ANO10: variants seen among roughly 807,000 people sequenced by gnomAD.
ANO10 encodes the protein anoctamin-10.
Under a neutral mutation model 74.7 loss-of-function variants are expected in ANO10, and 77 were observed. The observed-to-expected ratio is 1.03, with a 90% confidence interval of 0.86 to 1.25. The LOEUF (loss-of-function observed/expected upper bound fraction) is 1.25. ANO10 is among the 50% of genes most tolerant of loss of function. The pLI is 0.00. For missense variants in ANO10, 721 were observed against 778.1 expected, an observed-to-expected ratio of 0.93 and a Z score of 0.87; for synonymous variants, 279 against 284.9, an observed-to-expected ratio of 0.98 and a Z score of 0.21.
intron 1 of ANO10, among the ~76,000 whole-genome samples, chr3:43,676,347 G>C (rs529665891): frequency 3.9e-5 from 6 of 151,996 alleles, no homozygotes; most frequent in Admixed American, 6.6e-5. Flanking sequence ...TGTGGTCCCA[G>C]GTACACAGAG....
chr3:43,680,727 T>A lies in ANO10; in HGVS notation c.-12+10790A>T, dbSNP rs145309909. On this transcript the variant is annotated intron_variant, in intron 1 of 3. Transcript: ENST00000413397. ...AAGGGAAGCCCATCAGATTAACAGCTGATCTCTTGGCAGAAACTCTACAAG... is the reference window on the plus strand; with the variant it reads ...AAGGGAAGCCCATCAGATTAACAGCAGATCTCTTGGCAGAAACTCTACAAG... Among the ~76,000 whole-genome samples, 72 of 152,328 alleles carry A rather than the reference T, an allele frequency of 4.7e-4. No homozygotes were observed. The East Asian group carries it at 0.012, about 26-fold the overall frequency.
At chr3:43,469,038 C>CTTTTT (rs371985258) in intron 11 of ANO10, among the ~76,000 whole-genome samples, 23 of 70,364 alleles carry the variant, frequency 3.3e-4, no homozygotes, top group East Asian at 5.0e-4. Context: ...CAATTAGCTG[C>CTTTTT]TTTTTTTTTT....
chr3:43,465,718 T>C (rs1259594036), intron 11 of ANO10, among the ~76,000 whole-genome samples: 1 of 152,228 alleles, frequency 6.6e-6, no homozygotes, highest in Non-Finnish European at 1.5e-5. Context: ...CTGATTGTAA[T>C]GTTGTTATGC....
At chr3:43,493,139 G>A (rs573574792) in intron 11 of ANO10, among the ~76,000 whole-genome samples, 1 of 152,232 alleles carries the variant, frequency 6.6e-6, no homozygotes, top group Non-Finnish European at 1.5e-5. Context: ...CCTTTGCAGG[G>A]AAAGGAAGCC....
chr3:43,475,076 T>C (rs1390294331), intron 11 of ANO10, among the ~76,000 whole-genome samples: 1 of 152,352 alleles, frequency 6.6e-6, no homozygotes, highest in East Asian at 1.9e-4. Flanking sequence ...AGGCCATTTA[T>C]ACAAAAGCAA....
intron 1 of ANO10, among the ~76,000 whole-genome samples, chr3:43,616,485 C>T (rs1013109535): frequency 2.6e-5 from 4 of 152,220 alleles, no homozygotes; most frequent in African/African-American, 9.6e-5. Flanking sequence ...ATAATAACCT[C>T]AAGACCAATA....
intron 11 of ANO10, among the ~76,000 whole-genome samples, chr3:43,444,274 C>G (rs977981466): frequency 1.3e-5 from 2 of 152,128 alleles, no homozygotes; most frequent in Non-Finnish European, 2.9e-5. Flanking sequence ...CAGCTTAAAG[C>G]AATTTACATG....
At chr3:43,624,342 C>T (rs1178765966), upstream of ANO10, among the ~76,000 whole-genome samples, 1 of 152,154 alleles carries the variant, frequency 6.6e-6, no homozygotes, top group African/African-American at 2.4e-5. Context: ...TCACTTAAAT[C>T]TCATGCTGAA....
At chr3:43,683,475 AATCAATAT>A (rs1237852950) in intron 1 of ANO10, among the ~76,000 whole-genome samples, 1 of 152,228 alleles carries the variant, frequency 6.6e-6, no homozygotes, top group Non-Finnish European at 1.5e-5. Flanking sequence ...GGCTAGGAAG[AATCAATAT>A]CATGAAAATG....
intron 11 of ANO10, among the ~76,000 whole-genome samples, chr3:43,498,777 T>C (rs2077000085): frequency 6.6e-6 from 1 of 152,212 alleles, no homozygotes; most frequent in Non-Finnish European, 1.5e-5. Flanking sequence ...TGAATGGGAC[T>C]GTCCTTTTCA....
intron 11 of ANO10, among the ~76,000 whole-genome samples, chr3:43,547,513 A>G (rs966365840): frequency 6.6e-6 from 1 of 152,144 alleles, no homozygotes; most frequent in Non-Finnish European, 1.5e-5. Context: ...GCCTTCCTTG[A>G]TGCTTCTTAC....
At chr3:43,402,873 T>C (rs1277538531) in intron 12 of ANO10, among the ~76,000 whole-genome samples, 3 of 152,188 alleles carry the variant, frequency 2.0e-5, no homozygotes. Flanking sequence ...ACCAAGACCG[T>C]ACCATGGTCT....
chr3:43,656,690 C>T (rs1045281878), intron 1 of ANO10, among the ~76,000 whole-genome samples: 11 of 152,338 alleles, frequency 7.2e-5, no homozygotes, highest in South Asian at 2.1e-4. Context: ...CCTCATTGCC[C>T]GGGGCAGCAG....
intron 1 of ANO10, among the ~76,000 whole-genome samples, chr3:43,661,538 C>G (rs1407104945): frequency 6.6e-6 from 1 of 152,150 alleles, no homozygotes; most frequent in Non-Finnish European, 1.5e-5. Context: ...ATGACAGGAT[C>G]AATTTCACAC....
At chr3:43,568,227 T>A (rs1172075512) in intron 7 of ANO10, among the ~76,000 whole-genome samples, 1 of 151,992 alleles carries the variant, frequency 6.6e-6, no homozygotes, top group Non-Finnish European at 1.5e-5. Context: ...CTCCCACACA[T>A]TAATAATGGG....
At chr3:43,471,001 A>G (rs1356960248) in intron 11 of ANO10, among the ~76,000 whole-genome samples, 1 of 152,180 alleles carries the variant, frequency 6.6e-6, no homozygotes, top group Non-Finnish European at 1.5e-5. Context: ...AAGTTTATAA[A>G]TTTATAAATT....
chr3:43,477,442 T>C (rs1475566474), intron 11 of ANO10, among the ~76,000 whole-genome samples: 3 of 152,322 alleles, frequency 2.0e-5, no homozygotes, highest in Admixed American at 1.3e-4. Context: ...CAAGACGTAC[T>C]CCATCTATTA....
At chr3:43,442,959 C>T (rs995343755) in intron 11 of ANO10, among the ~76,000 whole-genome samples, 11 of 152,304 alleles carry the variant, frequency 7.2e-5, no homozygotes, top group East Asian at 5.8e-4. Context: ...GAAAGCATCA[C>T]AAAATGTGTG....
At chr3:43,485,876 T>C in intron 11 of ANO10, 2 of 251,210 alleles carry the variant, frequency 8.0e-6, no homozygotes, top group Non-Finnish European at 1.6e-5. Flanking sequence ...GCCCAAGACC[T>C]TCATGGCGTC....
Sources: gnomAD v4.1 joint callset for allele counts (sites outside exome capture counted in the v4.1 genomes callset) on GRCh38, gnomAD v4.1.1 for gene constraint, MANE v1.5 for transcripts, NCBI Gene and HGNC (gene_info 2026-07-23, HGNC 2026-07-21) for gene names.